The following MFGE8 variants were observed in gnomAD, a reference collection of about 807,000 sequenced individuals.
The protein encoded by MFGE8 is milk fat globule EGF and factor V/VIII domain containing.
Under a neutral mutation model 42.6 loss-of-function variants are expected in MFGE8, and 34 were observed. The ratio of observed to expected loss-of-function variants is 0.80; its 90% CI spans 0.61 to 1.06. MFGE8 has a LOEUF of 1.06. Ranked by LOEUF, MFGE8 falls within the 50% of genes least tolerant of loss-of-function variation. The probability of loss-of-function intolerance (pLI) is 0.00; values close to 1 mark genes in which losing one functional copy is unlikely to be tolerated. For synonymous variants in MFGE8, 230 were observed against 214.8 expected, an observed-to-expected ratio of 1.07 and a Z score of -0.62; for missense variants, 510 against 516.9, an observed-to-expected ratio of 0.99 and a Z score of 0.13.
Position 88,909,928 on chromosome 15 carries a change from G to C in MFGE8, c.74-5C>G. 6.2e-7 allele frequency: 1 copy of C among 1,613,980 alleles called. No individual in the cohort carries two copies. Among genetic ancestry groups the C allele is most frequent in the Non-Finnish European group, 8.5e-7 (1 of 1,179,936 alleles). On this transcript the variant is annotated splice_region_variant and splice_polypyrimidine_tract_variant and intron_variant, in intron 1 of 7. Coordinates refer to ENST00000268150, the MANE Select transcript of MFGE8 (RefSeq NM_005928.4). ...AGGGGTTTTTGGAACAGATATCTGGGGACAGAGACAGGTAAGATGAGCAGA... is the reference window on the plus strand; with the variant it reads ...AGGGGTTTTTGGAACAGATATCTGGCGACAGAGACAGGTAAGATGAGCAGA...
At chr15:88,912,403 G>A in intron 1 of MFGE8, 1 of 985,206 alleles carries the variant, frequency 1.0e-6, no homozygotes, top group Non-Finnish European at 1.2e-6. Context: ...ACAGGACATA[G>A]GGCTGGGGCT....
chr15:88,905,867 T>A lies in MFGE8; in HGVS notation c.575A>T (p.His192Leu). 1 of 1,614,220 alleles carries A rather than the reference T, an allele frequency of 6.2e-7. No individual in the cohort carries two copies. The highest frequency in any genetic ancestry group is 8.5e-7 in the Non-Finnish European group (1 of 1,180,044). Residue 192 changes from histidine to leucine, a missense_variant, in exon 5 of 8, where the codon CAT (histidine) becomes CTT (leucine). By Grantham distance (99) the His-to-Leu change is moderately conservative (BLOSUM62 -3). Coordinates refer to ENST00000268150, the MANE Select transcript of MFGE8 (RefSeq NM_005928.4). This position sits in a 1 kb window ranked among gnomAD's most constrained non-coding sequence, Gnocchi z 6.6. ...CACAGGGGTCTCAAACAGGTTGACA[T>A]GCACCGCGTTTTTGTTCCAGTTACC... ...FVGNWNKNAV[H>L]VNLFETPVEA...
At chr15:88,909,728 C>T in intron 2 of MFGE8, 64 bp downstream of exon 2, 4 of 1,610,338 alleles carry the variant, frequency 2.5e-6, no homozygotes, top group Non-Finnish European at 3.4e-6. Flanking sequence ...ATGGCCTATG[C>T]CACCAGGGCT....
In MFGE8 at chr15:88,902,741, A is replaced by G. The variant is rs950656873; in HGVS notation, c.686-1006T>C. ...GGGATGGGCAAGAGATACAACTCCC[A>G]AGAGAATGATGGGGGTGTCTCCCAC... On this transcript the variant is annotated intron_variant, in intron 5 of 7. Transcript: ENST00000268150. This position sits in a 1 kb window ranked among gnomAD's most constrained non-coding sequence, Gnocchi z 4.3. The G allele has an allele frequency of 6.6e-6, 1 of 152,256 alleles. No individual in the cohort carries two copies. The highest frequency in any genetic ancestry group is 2.4e-5 in the African/African-American group (1 of 41,452). 9.4% of individuals were successfully genotyped at this position (152,256 alleles called of 1,614,324 possible).
intron 6 of MFGE8, chr15:88,900,797 T>G (rs1898322619): frequency 2.5e-5 from 24 of 964,960 alleles, no homozygotes; most frequent in Non-Finnish European, 3.0e-5. Flanking sequence ...ACATGGTGGC[T>G]TCTTAGACAC....
chr15:88,900,861 G>T, intron 6 of MFGE8: 2 of 567,262 alleles, frequency 3.5e-6, no homozygotes, highest in Non-Finnish European at 4.5e-6. Flanking sequence ...AGATGCCTGG[G>T]TCATGTCTCC....
intron 1 of MFGE8, 61 bp from the exon 2 acceptor site, chr15:88,909,984 G>T: frequency 1.2e-6 from 2 of 1,605,960 alleles, no homozygotes; most frequent in Non-Finnish European, 1.7e-6. Context: ...ACACAGGTGA[G>T]AAGTAGCAGA....
intron 1 of MFGE8, 79 bp from the exon 2 acceptor site, chr15:88,910,002 A>G: frequency 6.4e-7 from 1 of 1,558,578 alleles, no homozygotes; most frequent in African/African-American, 1.4e-5. Flanking sequence ...AGATGGGTCC[A>G]GCCCAAAAGG....
Position 88,901,551 on chromosome 15 carries a change from C to T in MFGE8, c.870G>A (p.Gln290=), listed in dbSNP as rs2141696659. The T allele has an allele frequency of 6.2e-7, 1 of 1,606,370 alleles. No homozygotes were observed. Among genetic ancestry groups the T allele is most frequent in the Middle Eastern group, 1.7e-4 (1 of 5,998 alleles). The change falls in exon 6 of 8, where the codon CAG becomes CAA. Residue 290 remains glutamine, a splice_region_variant and synonymous_variant. Transcript: ENST00000268150. Reference sequence around the variant, plus strand: ...CCATATCCCAAGAAGGCTGACCCACCTGCAGCCACTGATCGTTACCGTAGC... The same window carrying T: ...CCATATCCCAAGAAGGCTGACCCACTTGCAGCCACTGATCGTTACCGTAGC... ...AGSYGNDQWL[Q]VDLGSSKEVT...
chr15:88,905,402 AACAG>A lies in MFGE8; in HGVS notation c.685+351_685+354del, dbSNP rs1284689835. ...GCCCTGGGAATACCGAAGCAAACAAAACAGACAGATTCTCTGCCCTCGTAAAGCT... is the reference window on the plus strand; with the variant it reads ...GCCCTGGGAATACCGAAGCAAACAAAACAGATTCTCTGCCCTCGTAAAGCT... On this transcript the variant is annotated intron_variant, in intron 5 of 7. Transcript: ENST00000268150. This position sits in a 1 kb window ranked among gnomAD's most constrained non-coding sequence, Gnocchi z 6.6. 1.0e-5 allele frequency: 5 copies of A among 481,316 alleles called. No homozygotes were observed. The highest frequency in any genetic ancestry group is 1.2e-5 in the Non-Finnish European group (3 of 246,544). The allele number at this position is 481,316 out of a possible 1,614,324, so 29.8% of individuals were successfully genotyped here. A position where few individuals can be genotyped will look rare whatever the true frequency, so the allele number is the denominator to read the frequency against.
Position 88,905,454 on chromosome 15 carries a change from C to T in MFGE8, c.685+303G>A, listed in dbSNP as rs898003990. 7 of 567,562 alleles carry T rather than the reference C, an allele frequency of 1.2e-5. No individual in the cohort carries two copies. The highest frequency in any genetic ancestry group is 2.2e-5 in the Admixed American group (1 of 45,736). 35.2% of individuals were successfully genotyped at this position (567,562 alleles called of 1,614,324 possible). On this transcript the variant is annotated intron_variant, in intron 5 of 7. Transcript: ENST00000268150. This position sits in a 1 kb window ranked among gnomAD's most constrained non-coding sequence, Gnocchi z 6.6. ...GCTGACATCTGCCAAACACACCTAA[C>T]GCTACATGTTCTAGAAGCTACAGGA...
Position 88,907,352 on chromosome 15 carries a change from T to A in MFGE8, c.230A>T (p.Glu77Val). The A allele has an allele frequency of 6.2e-7, 1 of 1,614,162 alleles. No homozygotes were observed. The highest frequency in any genetic ancestry group is 1.1e-5 in the South Asian group (1 of 91,076). ...CTGTGAGTTGGCAATGTTCCCATTC[T>A]CCAGGCCCAGTGGCTCGACACATTC... ...ETKCVEPLGLENGNIANSQIA... is the reference protein window; with the variant it reads ...ETKCVEPLGLVNGNIANSQIA... Residue 77 changes from glutamate (E) to valine (V), a missense_variant, in exon 3 of 8, where the codon GAG becomes GTG. Physicochemically the swap from Glu to Val is moderately radical, Grantham distance 121. Transcript: ENST00000268150.
Position 88,903,843 on chromosome 15 carries a change from C to A in MFGE8, c.685+1914G>T. 6.6e-6 allele frequency: 1 copy of A among 152,554 alleles called. No individual in the cohort carries two copies. Among genetic ancestry groups the A allele is most frequent in the Non-Finnish European group, 1.5e-5 (1 of 68,180 alleles). 9.5% of individuals were successfully genotyped at this position (152,554 alleles called of 1,614,324 possible). A position where few individuals can be genotyped will look rare whatever the true frequency, so the allele number is the denominator to read the frequency against. On this transcript the variant is annotated intron_variant, in intron 5 of 7. Coordinates refer to ENST00000268150, the MANE Select transcript of MFGE8 (RefSeq NM_005928.4). The surrounding 1 kb of genome is among the most constrained non-coding windows in gnomAD (Gnocchi z 4.9). ...GTGATGACACTGCGGGTCCCTGGGG[C>A]TCTTCACCCACCAAGCTGCCCCTCC...
chr15:88,900,285 C>T (rs1898301466), intron 6 of MFGE8, among the ~76,000 whole-genome samples: 1 of 151,574 alleles, frequency 6.6e-6, no homozygotes, highest in African/African-American at 2.4e-5. Context: ...TAAATAATAC[C>T]ACCTACTTTG....
intron 1 of MFGE8, chr15:88,912,401 T>C (rs1899007271): frequency 1.0e-6 from 1 of 985,130 alleles, no homozygotes; most frequent in Non-Finnish European, 1.2e-6. Flanking sequence ...TCACAGGACA[T>C]AGGGCTGGGG....
At position 88,913,307 on chromosome 15, in the gene MFGE8, G is replaced by C; in HGVS notation, c.13C>G (p.Arg5Gly). The change falls in exon 1 of 8, where the codon CGC (arginine) becomes GGC (glycine). Residue 5 changes from arginine (R) to glycine (G), a missense_variant. Transcript: ENST00000268150. MPRPRLLAALCGALL... is the reference protein window; with the variant it reads MPRPGLLAALCGALL... ...GCGCCGCACAGCGCGGCCAGCAGGCGGGGGCGCGGCATGCTGCGGGGACGC... is the reference window on the plus strand; with the variant it reads ...GCGCCGCACAGCGCGGCCAGCAGGCCGGGGCGCGGCATGCTGCGGGGACGC... 1.1e-5 allele frequency: 16 copies of C among 1,463,080 alleles called. No individual in the cohort carries two copies. The highest frequency in any genetic ancestry group is 1.4e-5 in the Non-Finnish European group (16 of 1,117,526). 90.6% of individuals were successfully genotyped at this position (1,463,080 alleles called of 1,614,324 possible). A position where few individuals can be genotyped will look rare whatever the true frequency, so the allele number is the denominator to read the frequency against.
At chr15:88,900,988 TTC>T (rs1898335524) in intron 6 of MFGE8, among the ~76,000 whole-genome samples, 8 of 122,974 alleles carry the variant, frequency 6.5e-5, no homozygotes, top group African/African-American at 2.4e-4. Flanking sequence ...CACACACACA[TTC>T]ACACACACAC....
chr15:88,910,267 G>A, intron 1 of MFGE8: 2 of 358,226 alleles, frequency 5.6e-6, no homozygotes, highest in Non-Finnish European at 1.1e-5. Flanking sequence ...AAGGTCCAGG[G>A]CAGGTCTCTT....
At position 88,906,523 on chromosome 15, in the gene MFGE8, C is replaced by T. The variant is rs753818908; in HGVS notation, c.540+103G>A. On this transcript the variant is annotated intron_variant, in intron 4 of 7. Coordinates refer to ENST00000268150, the MANE Select transcript of MFGE8 (RefSeq NM_005928.4). This position sits in a 1 kb window ranked among gnomAD's most constrained non-coding sequence, Gnocchi z 4.2. ...TGCACCCGAAGACCCACATCATAGC[C>T]AATCACCTAGGGTTCTCTGGACTCG... is the stretch of plus-strand genomic sequence containing the variant. 1.0e-5 allele frequency: 14 copies of T among 1,370,470 alleles called. No individual in the cohort carries two copies. In the South Asian group the frequency reaches 1.4e-4, roughly 14 times the overall value. The allele number at this position is 1,370,470 out of a possible 1,614,324, so 84.9% of individuals were successfully genotyped here.
Sources: allele counts gnomAD v4.1 joint callset (sites outside exome capture counted in the v4.1 genomes callset), GRCh38; gene constraint gnomAD v4.1.1; non-coding constraint Gnocchi (gnomAD v3.1); transcripts MANE v1.5; gene names NCBI Gene and HGNC (gene_info 2026-07-23, HGNC 2026-07-21).